CRISPLD2: variants seen among roughly 807,000 people sequenced by gnomAD.
The protein encoded by CRISPLD2 is cysteine rich secretory protein LCCL domain containing 2.
A neutral mutation model predicts 71.1 loss-of-function variants in CRISPLD2; 47 were observed. That is an observed-to-expected ratio of 0.66 (90% CI 0.52 to 0.84). The LOEUF (loss-of-function observed/expected upper bound fraction) is 0.84. Among genes scored for constraint, CRISPLD2 ranks in the 40% least tolerant of loss-of-function variants. The pLI, the probability that CRISPLD2 is intolerant of heterozygous loss-of-function variation, is 0.00. For synonymous variants in CRISPLD2, 317 were observed against 250.1 expected, an observed-to-expected ratio of 1.27 and a Z score of -2.52; for missense variants, 830 against 651.1, an observed-to-expected ratio of 1.27 and a Z score of -2.99.
At chr16:84,838,845 G>A in intron 2 of CRISPLD2, 110 bp downstream of exon 2, 1 of 1,374,696 alleles carries the variant, frequency 7.3e-7, no homozygotes, top group South Asian at 1.2e-5. Context: ...TGTGATGGCT[G>A]GCTCAGGGTC....
In CRISPLD2 at chr16:84,874,988, C is replaced by G. The variant is rs537352038; in HGVS notation, c.1156+1025C>G. 2.7e-3 allele frequency among the ~76,000 whole-genome samples: 406 copies of G among 152,266 alleles called. 2 individuals carry two copies. The highest frequency in any genetic ancestry group is 9.5e-3 in the African/African-American group (395 of 41,536). On this transcript the variant is annotated intron_variant, in intron 11 of 14. Coordinates refer to ENST00000262424, the MANE Select transcript of CRISPLD2 (RefSeq NM_031476.4). Reference sequence around the variant, plus strand: ...TGATGCAGCAGCTGACACCTGTAATCTCAGCACTTTGGGAGACTGAGGCGG... The same window carrying G: ...TGATGCAGCAGCTGACACCTGTAATGTCAGCACTTTGGGAGACTGAGGCGG...
intron 1 of CRISPLD2, among the ~76,000 whole-genome samples, chr16:84,837,518 G>A (rs943530783): frequency 2.0e-5 from 3 of 150,688 alleles, no homozygotes; most frequent in Admixed American, 6.7e-5. Flanking sequence ...CCGGGTTCAC[G>A]CCATTCTCCC....
intron 3 of CRISPLD2, among the ~76,000 whole-genome samples, chr16:84,849,033 G>C (rs1222370647): frequency 6.6e-6 from 1 of 151,402 alleles, no homozygotes; most frequent in African/African-American, 2.4e-5. Flanking sequence ...CAGGTGAAGA[G>C]ATTCCTGCAC....
At chr16:84,878,702 G>A (rs556362128) in intron 12 of CRISPLD2, among the ~76,000 whole-genome samples, 1 of 152,170 alleles carries the variant, frequency 6.6e-6, no homozygotes, top group Admixed American at 6.5e-5. Context: ...TCTTGGGAAG[G>A]GAACACAGGA....
intron 14 of CRISPLD2, among the ~76,000 whole-genome samples, chr16:84,890,498 C>T (rs756748775): frequency 2.6e-5 from 4 of 152,166 alleles, no homozygotes; most frequent in East Asian, 1.9e-4. Context: ...GACTGTAGCG[C>T]GTTTCTCTTC....
At chr16:84,895,212 C>T (rs150312232) in intron 14 of CRISPLD2, among the ~76,000 whole-genome samples, 1 of 152,142 alleles carries the variant, frequency 6.6e-6, no homozygotes, top group Admixed American at 6.5e-5. Flanking sequence ...AACGACTTGC[C>T]CAAGGTCACC....
chr16:84,842,311 C>G (rs1916793999), intron 2 of CRISPLD2: 1 of 137,560 alleles, frequency 7.3e-6, no homozygotes, highest in Non-Finnish European at 1.6e-5. Flanking sequence ...TGCCTGCCTG[C>G]CCGCCCTCCG....
At chr16:84,850,811 T>A (rs1917068057) in intron 5 of CRISPLD2, 128 bp downstream of exon 5, 2 of 708,696 alleles carry the variant, frequency 2.8e-6, no homozygotes, top group Non-Finnish European at 5.0e-6. Flanking sequence ...ATCTAGAGTT[T>A]AGTGCATCTG....
In CRISPLD2 at chr16:84,845,837, A is replaced by G; in HGVS notation, c.292A>G (p.Ile98Val). 6.2e-7 allele frequency: 1 copy of G among 1,614,058 alleles called. No individual in the cohort carries two copies. The highest frequency in any genetic ancestry group is 8.5e-7 in the Non-Finnish European group (1 of 1,179,960). Residue 98 changes from isoleucine (I) to valine (V), a missense_variant, in exon 3 of 15, where the codon ATC becomes GTC. By Grantham distance (29) the Ile-to-Val change is conservative. Coordinates refer to ENST00000262424, the MANE Select transcript of CRISPLD2 (RefSeq NM_031476.4). ...TGCTGCAGCGTGGGCCAGTCAGTGC[A>G]TCTGGGAGCACGGGCCCACCAGTCT... Reference protein sequence around the residue: ...KSAAAWASQCIWEHGPTSLLV... With the variant: ...KSAAAWASQCVWEHGPTSLLV...
At chr16:84,846,780 CA>C (rs1383012269) in intron 3 of CRISPLD2, among the ~76,000 whole-genome samples, 2 of 152,162 alleles carry the variant, frequency 1.3e-5, no homozygotes, top group African/African-American at 4.8e-5. Context: ...CCCTGTCTGG[CA>C]GTGTTCTGTC....
intron 13 of CRISPLD2, among the ~76,000 whole-genome samples, chr16:84,885,262 C>G (rs772500799): frequency 1.4e-4 from 21 of 152,346 alleles, no homozygotes; most frequent in Non-Finnish European, 2.1e-4. Context: ...CAAACTCGCC[C>G]CCGCTCACGG....
intron 13 of CRISPLD2, among the ~76,000 whole-genome samples, chr16:84,888,480 A>C (rs1246962050): frequency 6.6e-6 from 1 of 152,210 alleles, no homozygotes; most frequent in Non-Finnish European, 1.5e-5. Context: ...TATCACCCAG[A>C]AACTGAACTC....
chr16:84,845,676 C>T, intron 2 of CRISPLD2, 110 bp from the exon 3 acceptor site: 1 of 755,470 alleles, frequency 1.3e-6, no homozygotes, highest in Non-Finnish European at 2.2e-6. Context: ...AGCAGCAGAG[C>T]ATTGGCTGTA....
chr16:84,832,340 A>C lies in CRISPLD2; in HGVS notation c.-74-6082A>C, dbSNP rs1022388385. ...GATGACACAGGCTTGGGCAAGGCCA[A>C]GGGCCAGTGAGGGGCAAGGTCAAGA... On this transcript the variant is annotated intron_variant, in intron 1 of 14. Coordinates refer to ENST00000262424, the MANE Select transcript of CRISPLD2 (RefSeq NM_031476.4). 3.9e-5 allele frequency among the ~76,000 whole-genome samples: 6 copies of C among 152,362 alleles called. No individual in the cohort carries two copies. The East Asian group carries it at 1.2e-3, about 29-fold the overall frequency.
At chr16:84,874,193 C>G (rs934085260) in intron 11 of CRISPLD2, among the ~76,000 whole-genome samples, 8 of 152,284 alleles carry the variant, frequency 5.3e-5, no homozygotes, top group African/African-American at 1.9e-4. Flanking sequence ...GCTGAGGTTG[C>G]CAGCTGAATG....
At chr16:84,854,950 C>A in intron 6 of CRISPLD2, 121 bp downstream of exon 6, 2 of 758,704 alleles carry the variant, frequency 2.6e-6, no homozygotes, top group South Asian at 1.5e-5. Flanking sequence ...CTATTTAAGA[C>A]GCTCTCAGCA....
chr16:84,889,409 A>C, intron 14 of CRISPLD2, 46 bp downstream of exon 14: 9 of 1,573,124 alleles, frequency 5.7e-6, no homozygotes, highest in Non-Finnish European at 7.8e-6. Flanking sequence ...CCGGCTGCTA[A>C]TGGTCCCTCA....
intron 6 of CRISPLD2, among the ~76,000 whole-genome samples, chr16:84,861,387 GT>G (rs1917376618): frequency 6.6e-6 from 1 of 152,118 alleles, no homozygotes; most frequent in Non-Finnish European, 1.5e-5. Context: ...AGGTCCCACA[GT>G]AGGCTGTCTG....
At chr16:84,870,581 T>G (rs905765490) in intron 8 of CRISPLD2, among the ~76,000 whole-genome samples, 14 of 151,904 alleles carry the variant, frequency 9.2e-5, no homozygotes, top group African/African-American at 3.1e-4. Context: ...CCTCCCAAAG[T>G]GTTGGGATTA....
Sources: gnomAD v4.1 joint callset for allele counts (sites outside exome capture counted in the v4.1 genomes callset) on GRCh38, gnomAD v4.1.1 for gene constraint, MANE v1.5 for transcripts, NCBI Gene and HGNC (gene_info 2026-07-23, HGNC 2026-07-21) for gene names.